Variants in SYT2 observed in about 807,000 individuals in gnomAD.
SYT2 encodes synaptotagmin 2.
In SYT2, 15 loss-of-function variants were observed where a neutral mutation model predicts 39.9. The ratio of observed to expected loss-of-function variants is 0.38; its 90% CI spans 0.25 to 0.58. The LOEUF (loss-of-function observed/expected upper bound fraction) is 0.58. Ranked by LOEUF, SYT2 falls within the 20% of genes least tolerant of loss-of-function variation. The pLI, the probability that SYT2 is intolerant of heterozygous loss-of-function variation, is 0.70. For missense variants in SYT2, 389 were observed against 530.3 expected (o/e 0.73, Z 2.62); for synonymous variants, 181 against 204.5 (o/e 0.89, Z 0.98).
intron 1 of SYT2, among the ~76,000 whole-genome samples, chr1:202,632,258 C>G (rs1242667268): frequency 6.6e-6 from 1 of 152,078 alleles, no homozygotes; most frequent in Non-Finnish European, 1.5e-5. Context: ...GGGTGGGGGA[C>G]TGTCAAGGGA....
At position 202,592,803 on chromosome 1, in the gene SYT2, C is replaced by G. The variant is rs1335685138; in HGVS notation, c.*3954G>C. ...GGACCAAAGGGAGAGGGGGAAAAGT[C>G]ATAGGGTAGGGTTCCCAGACACAAT... On this transcript the variant is annotated 3_prime_UTR_variant, in exon 9 of 9. Coordinates refer to ENST00000367268, the MANE Select transcript of SYT2 (RefSeq NM_177402.5). The G allele has an allele frequency of 6.6e-6, 1 of 152,192 alleles. No individual in the cohort carries two copies. The highest frequency in any genetic ancestry group is 2.4e-5 in the African/African-American group (1 of 41,434). 9.4% of individuals were successfully genotyped at this position (152,192 alleles called of 1,614,324 possible). A position where few individuals can be genotyped will look rare whatever the true frequency, so the allele number is the denominator to read the frequency against.
chr1:202,641,789 C>T (rs1300159082), intron 1 of SYT2, among the ~76,000 whole-genome samples: 4 of 152,180 alleles, frequency 2.6e-5, no homozygotes, highest in African/African-American at 9.7e-5. Flanking sequence ...TTGACATCAC[C>T]CTTTAACCTA....
At chr1:202,616,576 C>T (rs186353594) in intron 1 of SYT2, among the ~76,000 whole-genome samples, 7 of 152,338 alleles carry the variant, frequency 4.6e-5, no homozygotes, top group Admixed American at 3.9e-4. Context: ...TCGTCAGCCC[C>T]TCCATTGTGG....
rs532620692 is a variant in SYT2, at chr1:202,637,217, G to T, written c.-17-31428C>A. Among the ~76,000 whole-genome samples, 153 of 152,306 alleles carry T rather than the reference G, an allele frequency of 1.0e-3. 3 individuals carry two copies. Among genetic ancestry groups the T allele is most frequent in the Admixed American group, 9.7e-3 (148 of 15,298 alleles). Reference sequence around the variant, plus strand: ...AAAACAAAAATTATCCAGGCATGGTGGTGCACACCTGTAGTCCCAGCTATG... The same window carrying T: ...AAAACAAAAATTATCCAGGCATGGTTGTGCACACCTGTAGTCCCAGCTATG... On this transcript the variant is annotated intron_variant, in intron 1 of 8. Transcript: ENST00000367268.
At chr1:202,609,138 T>C (rs1244738174) in intron 1 of SYT2, among the ~76,000 whole-genome samples, 1 of 150,844 alleles carries the variant, frequency 6.6e-6, no homozygotes, top group East Asian at 2.0e-4. Flanking sequence ...TTTGGTTTTT[T>C]GTCCTTGCGA....
chr1:202,691,594 G>A (rs1653817683), intron 1 of SYT2, among the ~76,000 whole-genome samples: 1 of 150,944 alleles, frequency 6.6e-6, no homozygotes, highest in South Asian at 2.1e-4. Flanking sequence ...AGGTTGCAGT[G>A]AGCTGAAATC....
intron 1 of SYT2, among the ~76,000 whole-genome samples, chr1:202,681,393 G>C (rs981243988): frequency 6.6e-6 from 1 of 152,180 alleles, no homozygotes; most frequent in Non-Finnish European, 1.5e-5. Flanking sequence ...CTGGTGTCTC[G>C]TCTTATTTAA....
chr1:202,662,221 G>C (rs973122600), intron 1 of SYT2, among the ~76,000 whole-genome samples: 2 of 152,228 alleles, frequency 1.3e-5, no homozygotes, highest in African/African-American at 4.8e-5. Flanking sequence ...GCGGCAAGAG[G>C]CATAGTGTAT....
intron 1 of SYT2, among the ~76,000 whole-genome samples, chr1:202,617,578 T>C (rs892282880): frequency 4.6e-5 from 7 of 152,218 alleles, no homozygotes; most frequent in South Asian, 2.1e-4. Context: ...TTTTTCTTTA[T>C]AGCAGTGCAA....
At chr1:202,656,615 G>A (rs971068581) in intron 1 of SYT2, among the ~76,000 whole-genome samples, 23 of 152,308 alleles carry the variant, frequency 1.5e-4, no homozygotes, top group African/African-American at 4.3e-4. Flanking sequence ...AGGATGGTGC[G>A]AAGCTTAGAT....
chr1:202,632,895 G>A (rs1292016660), intron 1 of SYT2: 2 of 151,928 alleles, frequency 1.3e-5, no homozygotes, highest in Admixed American at 6.5e-5. Context: ...AACTAGAGAC[G>A]CTACAAATTC....
rs200815646 is a variant in SYT2, at chr1:202,604,271, G to GCCC, written c.345+181_345+183dup. 6.3e-6 allele frequency: 4 copies of GCCC among 630,366 alleles called. No individual in the cohort carries two copies. In the African/African-American group the frequency reaches 7.3e-5, roughly 12 times the overall value. 39.0% of individuals were successfully genotyped at this position (630,366 alleles called of 1,614,324 possible). On this transcript the variant is annotated intron_variant, in intron 3 of 8. Coordinates refer to ENST00000367268, the MANE Select transcript of SYT2 (RefSeq NM_177402.5). The stretch of plus-strand genomic sequence containing the variant: ...GAGTTCATGCTAACACAGGAATAAG[G>GCCC]CCCCCCCCTCCCAGGGGCCTCCAGG...
At chr1:202,644,629 T>C (rs1358963403) in intron 1 of SYT2, among the ~76,000 whole-genome samples, 1 of 152,030 alleles carries the variant, frequency 6.6e-6, no homozygotes, top group Admixed American at 6.5e-5. Flanking sequence ...CCTTCCACTC[T>C]GCACACTCAG....
intron 1 of SYT2, among the ~76,000 whole-genome samples, chr1:202,619,790 A>G (rs1451839975): frequency 1.3e-5 from 2 of 152,264 alleles, no homozygotes; most frequent in Admixed American, 6.5e-5. Flanking sequence ...AGGGCATCAG[A>G]GCAGGGCAGG....
chr1:202,599,291 G>T lies in SYT2; in HGVS notation c.980C>A (p.Thr327Asn). 6.2e-7 allele frequency: 1 copy of T among 1,610,010 alleles called. No homozygotes were observed. Among genetic ancestry groups the T allele is most frequent in the Non-Finnish European group, 8.5e-7 (1 of 1,178,626 alleles). ...TGGGTTCAGGGTCTTCTTCTTCACG[G>T]TTGTCTTCTTCTTCTTGAGCCTCTT... ...NGKRLKKKKTTVKKKTLNPYF... is the reference protein window; with the variant it reads ...NGKRLKKKKTNVKKKTLNPYF... Residue 327 changes from threonine (T) to asparagine (N), a missense_variant, in exon 8 of 9, where the codon ACC becomes AAC. Transcript: ENST00000367268. This position sits in a 1 kb window ranked among gnomAD's most constrained non-coding sequence, Gnocchi z 4.4.
chr1:202,638,337 G>GA lies in SYT2; in HGVS notation c.-17-32549dup, dbSNP rs1196794971. Among the ~76,000 whole-genome samples the GA allele has an allele frequency of 4.0e-5, 6 of 150,984 alleles. No homozygotes were observed. In the South Asian group the frequency reaches 1.3e-3, roughly 32 times the overall value. ...ATGGAAAGATAACAAAACAAAGGAA[G>GA]AAAAAAAAATATTCACAGCCTCTCT... On this transcript the variant is annotated intron_variant, in intron 1 of 8. Transcript: ENST00000367268.
intron 1 of SYT2, among the ~76,000 whole-genome samples, chr1:202,685,154 A>G (rs1256234402): frequency 6.6e-6 from 1 of 152,166 alleles, no homozygotes. Flanking sequence ...CAAACAGTGC[A>G]TTTCCTCCTA....
chr1:202,620,471 T>A (rs2149082676), intron 1 of SYT2, among the ~76,000 whole-genome samples: 1 of 152,008 alleles, frequency 6.6e-6, no homozygotes, highest in East Asian at 1.9e-4. Flanking sequence ...TTATCCTTTT[T>A]TTTTTTCTAT....
chr1:202,611,607 C>G (rs1291116960), intron 1 of SYT2, among the ~76,000 whole-genome samples: 1 of 152,178 alleles, frequency 6.6e-6, no homozygotes, highest in Non-Finnish European at 1.5e-5. Context: ...CTGGCCTCCT[C>G]GGCCTCCCAA....
Sources: gnomAD v4.1 joint callset for allele counts (sites outside exome capture counted in the v4.1 genomes callset) on GRCh38, gnomAD v4.1.1 for gene constraint, Gnocchi (gnomAD v3.1) non-coding constraint, MANE v1.5 for transcripts, NCBI Gene and HGNC (gene_info 2026-07-23, HGNC 2026-07-21) for gene names.